Variants in ABTB3 observed in about 807,000 individuals in gnomAD.
ABTB3 encodes ankyrin repeat and BTB domain containing 3, also known as ankyrin repeat- and BTB/POZ domain-containing protein 3.
the ABTB3 span, among the ~76,000 whole-genome samples, chr12:107,476,812 AGTG>A: frequency 6.7e-6 from 1 of 148,516 alleles, no homozygotes; most frequent in East Asian, 2.0e-4. Context: ...GAATGCATGA[AGTG>A]TGTGTGTGTG....
the ABTB3 span, chr12:107,617,788 T>C: frequency 1.0e-4 from 38 of 362,348 alleles, 1 homozygote; most frequent in African/African-American, 6.0e-4. Context: ...TGACTTCCCT[T>C]CTACATCTCC....
chr12:107,504,415 G>A, the ABTB3 span, among the ~76,000 whole-genome samples: 3 of 152,252 alleles, frequency 2.0e-5, no homozygotes, highest in South Asian at 2.1e-4. Flanking sequence ...CTGTCATTGC[G>A]TGTGGTCAGC....
At chr12:107,420,977 T>C in the ABTB3 span, among the ~76,000 whole-genome samples, 1 of 152,198 alleles carries the variant, frequency 6.6e-6, no homozygotes, top group Non-Finnish European at 1.5e-5. Context: ...GTTCCAAATT[T>C]TCATATCTCT....
At chr12:107,628,159 A>G in the ABTB3 span, among the ~76,000 whole-genome samples, 2 of 151,814 alleles carry the variant, frequency 1.3e-5, no homozygotes, top group African/African-American at 2.4e-5. Context: ...TGGGGGAGGG[A>G]GATGGACTTT....
At chr12:107,457,141 C>T in the ABTB3 span, among the ~76,000 whole-genome samples, 3 of 152,212 alleles carry the variant, frequency 2.0e-5, no homozygotes, top group African/African-American at 7.2e-5. Context: ...GGATTACAGG[C>T]GTAAGCCACC....
At chr12:107,360,442 C>A in the ABTB3 span, among the ~76,000 whole-genome samples, 1 of 152,088 alleles carries the variant, frequency 6.6e-6, no homozygotes, top group Admixed American at 6.6e-5. Context: ...CAGCGAAGAC[C>A]CCAAAATCCC....
chr12:107,581,340 G>T, the ABTB3 span: 1 of 1,295,394 alleles, frequency 7.7e-7, no homozygotes, highest in South Asian at 2.0e-5. Flanking sequence ...GGCAGGGGAG[G>T]GAGGGCTCCG....
chr12:107,442,893 C>T, the ABTB3 span, among the ~76,000 whole-genome samples: 1 of 152,174 alleles, frequency 6.6e-6, no homozygotes, highest in Non-Finnish European at 1.5e-5. Context: ...GTTTATTTCT[C>T]ACAATTCTGA....
chr12:107,605,443 A>G, the ABTB3 span, among the ~76,000 whole-genome samples: 1 of 152,220 alleles, frequency 6.6e-6, no homozygotes, highest in Non-Finnish European at 1.5e-5. Flanking sequence ...AGCCAGGGGA[A>G]GGACCTTCCA....
the ABTB3 span, among the ~76,000 whole-genome samples, chr12:107,622,045 A>C: frequency 2.4e-4 from 36 of 152,206 alleles, no homozygotes; most frequent in Non-Finnish European, 4.7e-4. Context: ...GTTCGAGATT[A>C]GCCTGGGCAA....
the ABTB3 span, chr12:107,618,313 G>C: frequency 6.2e-7 from 1 of 1,613,870 alleles, no homozygotes; most frequent in Non-Finnish European, 8.5e-7. Flanking sequence ...AGGGCCCTGA[G>C]GGAGGCCATG....
chr12:107,613,672 C>T, the ABTB3 span, among the ~76,000 whole-genome samples: 1 of 152,140 alleles, frequency 6.6e-6, no homozygotes, highest in Non-Finnish European at 1.5e-5. Flanking sequence ...CACCCACACC[C>T]CAACCTCGTC....
At chr12:107,608,084 C>A in the ABTB3 span, among the ~76,000 whole-genome samples, 2 of 152,174 alleles carry the variant, frequency 1.3e-5, no homozygotes, top group African/African-American at 2.4e-5. Context: ...GTGTGAGGGG[C>A]CTGGGACAGC....
chr12:107,459,845 G>A, the ABTB3 span, among the ~76,000 whole-genome samples: 1 of 152,210 alleles, frequency 6.6e-6, no homozygotes, highest in African/African-American at 2.4e-5. Flanking sequence ...CCGTGGCCCG[G>A]CCCTCCAGAG....
At chr12:107,429,452 A>G in the ABTB3 span, among the ~76,000 whole-genome samples, 2 of 152,192 alleles carry the variant, frequency 1.3e-5, no homozygotes, top group Admixed American at 6.5e-5. Context: ...ATGTAGGGAA[A>G]TCGAGTGTGC....
At chr12:107,379,253 A>G in the ABTB3 span, among the ~76,000 whole-genome samples, 1,868 of 152,236 alleles carry the variant, frequency 0.012, 45 homozygotes, top group African/African-American at 0.041. Context: ...TCTTGGTGTT[A>G]GTAGACCAGT....
At chr12:107,355,864 A>G in the ABTB3 span, among the ~76,000 whole-genome samples, 14 of 152,210 alleles carry the variant, frequency 9.2e-5, no homozygotes, top group African/African-American at 3.4e-4. Context: ...CTGTGCTTTC[A>G]TCTACTACCA....
the ABTB3 span, among the ~76,000 whole-genome samples, chr12:107,360,108 A>G: frequency 6.6e-6 from 1 of 152,232 alleles, no homozygotes; most frequent in Non-Finnish European, 1.5e-5. Context: ...CATGCTGGTA[A>G]GAATAAGTCA....
At chr12:107,472,457 TC>T in the ABTB3 span, among the ~76,000 whole-genome samples, 1 of 152,186 alleles carries the variant, frequency 6.6e-6, no homozygotes, top group Admixed American at 6.5e-5. Flanking sequence ...GGGGCCAGAC[TC>T]CTTTGGTTTG....
Sources: allele counts gnomAD v4.1 joint callset (sites outside exome capture counted in the v4.1 genomes callset), GRCh38; gene constraint gnomAD v4.1.1; transcripts MANE v1.5; gene names NCBI Gene and HGNC (gene_info 2026-07-23, HGNC 2026-07-21).